Variants in MYO5A observed in about 807,000 individuals in gnomAD.
MYO5A encodes the protein myosin VA.
MYO5A carries 98 observed loss-of-function variants against 249.7 expected under a neutral mutation model. That is an observed-to-expected ratio of 0.39 (90% confidence interval 0.33 to 0.46). The LOEUF is 0.46. Ranked by LOEUF, MYO5A falls within the 20% of genes least tolerant of loss-of-function variation. MYO5A has a pLI of 0.98. For synonymous variants in MYO5A, 778 were observed against 810.6 expected (o/e 0.96, Z 0.68); for missense variants, 1,696 against 2,308.8 (o/e 0.73, Z 5.44).
chr15:52,499,781 C>T (rs1052760197), intron 1 of MYO5A, among the ~76,000 whole-genome samples: 6 of 152,218 alleles, frequency 3.9e-5, no homozygotes, highest in African/African-American at 1.4e-4. Flanking sequence ...GTGAATAATG[C>T]TACTGTGAAC....
chr15:52,453,791 T>C (rs1207751624), intron 1 of MYO5A, among the ~76,000 whole-genome samples: 2 of 152,182 alleles, frequency 1.3e-5, no homozygotes, highest in African/African-American at 4.8e-5. Context: ...AGTCATCTCC[T>C]TGACATAACT....
chr15:52,528,767 CG>C lies in MYO5A; in HGVS notation c.27+12del. On this transcript the variant is annotated intron_variant, in intron 1 of 41. Transcript: ENST00000399233. ...CAGCCCCAGTCCTCGACGCCGGCCG[CG>C]GGGTGCCTTACCTTTGTGTAGAGCT... 1 of 1,504,926 alleles carries C rather than the reference CG, an allele frequency of 6.6e-7. No individual in the cohort carries two copies. The allele number at this position is 1,504,926 out of a possible 1,614,324, so 93.2% of individuals were successfully genotyped here.
At chr15:52,453,481 G>GA (rs972455341) in intron 1 of MYO5A, among the ~76,000 whole-genome samples, 1 of 151,934 alleles carries the variant, frequency 6.6e-6, no homozygotes, top group Non-Finnish European at 1.5e-5. Flanking sequence ...ACACTAATGT[G>GA]AAAAAACAAA....
Position 52,425,895 on chromosome 15 carries a change from C to G in MYO5A, c.390G>C (p.Gln130His). ...GEDIINAYSG[Q>H]NMGDMDPHIF... ...TATGTGGATCCATATCACCCATGTT[C>G]TGACCACTGTATGCATTAATAATAT... The change falls in exon 4 of 42, where the codon CAG becomes CAC. Residue 130 changes from glutamine (Q) to histidine (H), a missense_variant. Transcript: ENST00000399233. 1 of 1,613,926 alleles carries G rather than the reference C, an allele frequency of 6.2e-7. No homozygotes were observed. Among genetic ancestry groups the G allele is most frequent in the Non-Finnish European group, 8.5e-7 (1 of 1,179,864 alleles).
chr15:52,340,431 C>CA, intron 31 of MYO5A, 37 bp from the exon 32 acceptor site: 1 of 1,593,710 alleles, frequency 6.3e-7, no homozygotes, highest in South Asian at 1.1e-5. Context: ...GGGGAGACGA[C>CA]ACCCCGAGTT....
At chr15:52,475,032 T>G (rs1255889502) in intron 1 of MYO5A, among the ~76,000 whole-genome samples, 8 of 152,218 alleles carry the variant, frequency 5.3e-5, no homozygotes, top group Non-Finnish European at 7.3e-5. Context: ...TTTTTTTGGT[T>G]GGTAGGCTAT....
chr15:52,439,674 G>T (rs2075745555), intron 1 of MYO5A, among the ~76,000 whole-genome samples: 1 of 152,178 alleles, frequency 6.6e-6, no homozygotes. Context: ...AGGCCACCAA[G>T]CAGGGTTGAG....
chr15:52,353,092 A>G (rs1299951459), intron 27 of MYO5A, among the ~76,000 whole-genome samples: 3 of 152,232 alleles, frequency 2.0e-5, no homozygotes, highest in Non-Finnish European at 2.9e-5. Flanking sequence ...TTCTGATTCA[A>G]TAAGTCTAGT....
intron 35 of MYO5A, among the ~76,000 whole-genome samples, chr15:52,328,801 T>G (rs28619344): frequency 0.035 from 5,271 of 152,250 alleles, 282 homozygotes; most frequent in African/African-American, 0.11. Flanking sequence ...CTCACTCTGC[T>G]CCAAATGGGT....
intron 4 of MYO5A, among the ~76,000 whole-genome samples, chr15:52,417,348 T>G (rs1043543500): frequency 6.6e-6 from 1 of 152,248 alleles, no homozygotes; most frequent in Non-Finnish European, 1.5e-5. Context: ...AAATTTAATT[T>G]GTTTAAAGTT....
intron 24 of MYO5A, among the ~76,000 whole-genome samples, chr15:52,361,901 T>C (rs1159530295): frequency 2.1e-4 from 32 of 152,222 alleles, no homozygotes; most frequent in Admixed American, 2.0e-3. Context: ...TTCCAGAACA[T>C]GTTTTATCCC....
chr15:52,428,640 C>G, intron 2 of MYO5A, 71 bp from the exon 3 acceptor site: 1 of 1,511,840 alleles, frequency 6.6e-7, no homozygotes, highest in Non-Finnish European at 9.2e-7. Context: ...ATGCATTTTG[C>G]TTACTTCCTA....
At position 52,383,148 on chromosome 15, in the gene MYO5A, G is replaced by T; in HGVS notation, c.1955C>A (p.Ala652Asp). The T allele has an allele frequency of 6.2e-7, 1 of 1,614,052 alleles. No homozygotes were observed. Among genetic ancestry groups the T allele is most frequent in the Non-Finnish European group, 8.5e-7 (1 of 1,179,962 alleles). ...SLHLLMETLN[A>D]TTPHYVRCIK... Reference sequence around the variant, plus strand: ...ACAGCGCACATAGTGAGGGGTAGTGGCATTGAGTGTCTCCATAAGCAGGTG... The same window carrying T: ...ACAGCGCACATAGTGAGGGGTAGTGTCATTGAGTGTCTCCATAAGCAGGTG... Residue 652 changes from alanine (A) to aspartate (D), a missense_variant, in exon 16 of 42, where the codon GCC (alanine) becomes GAC (aspartate). Around this residue, in one of 5 missense-constraint regions of MYO5A, gnomAD observed 277 missense variants for 422.4 expected, o/e 0.66. Transcript: ENST00000399233.
chr15:52,501,890 C>CACACACACAG (rs1555386203), intron 1 of MYO5A, among the ~76,000 whole-genome samples: 52 of 151,360 alleles, frequency 3.4e-4, no homozygotes, highest in East Asian at 3.9e-4. Context: ...CACACACACA[C>CACACACACAG]ACACACACAC....
intron 1 of MYO5A, among the ~76,000 whole-genome samples, chr15:52,452,294 C>T (rs2076035713): frequency 6.6e-6 from 1 of 152,102 alleles, no homozygotes; most frequent in Non-Finnish European, 1.5e-5. Context: ...GACGCAGCTC[C>T]ACCAAATCTG....
At chr15:52,458,031 T>G (rs188092814) in intron 1 of MYO5A, among the ~76,000 whole-genome samples, 3 of 152,264 alleles carry the variant, frequency 2.0e-5, no homozygotes, top group Admixed American at 2.0e-4. Context: ...ACATTCTCAT[T>G]CATATGTAAG....
In MYO5A at chr15:52,425,915, T is replaced by C; in HGVS notation, c.370A>G (p.Ile124Val). The C allele has an allele frequency of 1.9e-6, 3 of 1,613,102 alleles. No individual in the cohort carries two copies. The highest frequency in any genetic ancestry group is 1.7e-6 in the Non-Finnish European group (2 of 1,179,110). Reference sequence around the variant, plus strand: ...ATGTTCTGACCACTGTATGCATTAATAATATCTTCTCCATAAATAGGCAGC... The same window carrying C: ...ATGTTCTGACCACTGTATGCATTAACAATATCTTCTCCATAAATAGGCAGC... ...EQLPIYGEDI[I>V]NAYSGQNMGD... Residue 124 changes from isoleucine to valine, a missense_variant, in exon 4 of 42, where the codon ATT (isoleucine) becomes GTT (valine). By Grantham distance (29) the Ile-to-Val change is conservative. This residue lies in a region of MYO5A where 197 missense variants were observed against 320.3 expected (regional missense o/e 0.62). Transcript: ENST00000399233.
At chr15:52,381,571 T>C (rs757121296) in intron 16 of MYO5A, among the ~76,000 whole-genome samples, 2 of 152,204 alleles carry the variant, frequency 1.3e-5, no homozygotes, top group Admixed American at 6.5e-5. Context: ...TATTATAGCA[T>C]TGTTGGAACA....
At position 52,525,234 on chromosome 15, in the gene MYO5A, A is replaced by G. The variant is rs1363880444; in HGVS notation, c.27+3546T>C. Among the ~76,000 whole-genome samples, 7 of 152,260 alleles carry G rather than the reference A, an allele frequency of 4.6e-5. No individual in the cohort carries two copies. The East Asian group carries it at 7.7e-4, about 17-fold the overall frequency. ...CACATCAACATACTACTCTGTGAATAAACCAAAAACCATTGAATAGTACAC... is the reference window on the plus strand; with the variant it reads ...CACATCAACATACTACTCTGTGAATGAACCAAAAACCATTGAATAGTACAC... On this transcript the variant is annotated intron_variant, in intron 1 of 41. Coordinates refer to ENST00000399233, the MANE Select transcript of MYO5A (RefSeq NM_001382347.1).
Sources: gnomAD v4.1 joint callset for allele counts (sites outside exome capture counted in the v4.1 genomes callset) on GRCh38, gnomAD v4.1.1 for gene constraint, gnomAD v4.1.1 regional missense constraint, MANE v1.5 for transcripts, NCBI Gene and HGNC (gene_info 2026-07-23, HGNC 2026-07-21) for gene names.